OPHN1: variants seen among roughly 807,000 people sequenced by gnomAD.
The protein encoded by OPHN1 is oligophrenin 1.
A neutral mutation model predicts 60.7 loss-of-function variants in OPHN1; 11 were observed. The observed-to-expected ratio is 0.18, with a 90% CI of 0.11 to 0.30. The LOEUF is 0.30. Ranked by LOEUF, OPHN1 falls within the 10% of genes least tolerant of loss-of-function variation. The pLI, the probability that OPHN1 is intolerant of heterozygous loss-of-function variation, is 1.00. For synonymous variants in OPHN1, 226 were observed against 222.6 expected (o/e 1.02, Z -0.14); for missense variants, 449 against 611.0 (o/e 0.73, Z 2.80).
intron 2 of OPHN1, among the ~76,000 whole-genome samples, chrX:68,315,679 A>C (rs1420435667): frequency 2.7e-5 from 3 of 112,024 alleles, no homozygotes; most frequent in Non-Finnish European, 5.6e-5. Flanking sequence ...AAAATTCACA[A>C]AAAATATTAT....
intron 15 of OPHN1, among the ~76,000 whole-genome samples, chrX:68,132,709 A>G (rs1437765524): frequency 2.9e-5 from 3 of 103,016 alleles, no homozygotes; most frequent in African/African-American, 1.1e-4. Flanking sequence ...TTAAAAAAAA[A>G]TAATAATAAA....
At chrX:68,411,760 G>C (rs1316661251) in intron 2 of OPHN1, among the ~76,000 whole-genome samples, 1 of 111,941 alleles carries the variant, frequency 8.9e-6, no homozygotes, top group Non-Finnish European at 1.9e-5. Context: ...CTGCACAGAA[G>C]CTCTTTAGCC....
chrX:68,288,075 C>T (rs916867615), intron 3 of OPHN1, among the ~76,000 whole-genome samples: 3 of 111,714 alleles, frequency 2.7e-5, no homozygotes, highest in African/African-American at 9.8e-5. Context: ...ATTGCTTGAT[C>T]GGAAGACTGC....
Position 68,129,563 on chromosome X carries a change from C to A in OPHN1, c.1277-10231G>T, listed in dbSNP as rs191538061. ...TAATAAGATTGAAAGTAAAAATAAT[C>A]ATAGAAAATATATTGGTAAAGACCC... On this transcript the variant is annotated intron_variant, in intron 15 of 24. Coordinates refer to ENST00000355520, the MANE Select transcript of OPHN1 (RefSeq NM_002547.3). Among the ~76,000 whole-genome samples, 17 of 112,033 alleles carry A rather than the reference C, an allele frequency of 1.5e-4. No individual in the cohort carries two copies. The East Asian group carries it at 3.6e-3, about 24-fold the overall frequency.
chrX:68,217,037 G>C (rs765687689), intron 6 of OPHN1, among the ~76,000 whole-genome samples: 12 of 111,632 alleles, frequency 1.1e-4, no homozygotes, highest in Non-Finnish European at 1.9e-4. Context: ...TCACTAGGGA[G>C]TGCCAGACAT....
In OPHN1 at chrX:68,286,993, TGAGAGAGAGAGAAA is replaced by T. The variant is rs754395796; in HGVS notation, c.251-3890_251-3877del. Among the ~76,000 whole-genome samples the T allele has an allele frequency of 2.3e-3, 225 of 97,530 alleles. 2 individuals are homozygous for T. The highest frequency in any genetic ancestry group is 0.011 in the South Asian group (23 of 2,122). The allele number at this position is 97,530 out of a possible 115,157, so 84.7% of individuals were successfully genotyped here. ...TGCCACTACTGCACTACAGCCTGGA[TGAGAGAGAGAGAAA>T]GAGAGAGAGAGAAAGAAGGAAGGAA... On this transcript the variant is annotated intron_variant, in intron 3 of 24. Coordinates refer to ENST00000355520, the MANE Select transcript of OPHN1 (RefSeq NM_002547.3).
chrX:68,390,631 C>A (rs2078649018), intron 2 of OPHN1, among the ~76,000 whole-genome samples: 1 of 111,428 alleles, frequency 9.0e-6, no homozygotes. Flanking sequence ...GGTGTATTCA[C>A]TGATTTACTA....
chrX:68,211,368 C>T (rs1378422611), intron 8 of OPHN1, among the ~76,000 whole-genome samples: 2 of 112,190 alleles, frequency 1.8e-5, no homozygotes, highest in Non-Finnish European at 3.8e-5. Context: ...AAACCTTTGG[C>T]CTTGATTCTA....
intron 2 of OPHN1, among the ~76,000 whole-genome samples, chrX:68,323,534 T>C (rs2078245506): frequency 8.9e-6 from 1 of 112,157 alleles, no homozygotes; most frequent in Admixed American, 9.6e-5. Context: ...GTCTTGTTTA[T>C]GGTCTGTCTT....
intron 2 of OPHN1, among the ~76,000 whole-genome samples, chrX:68,407,780 G>A (rs900083063): frequency 8.9e-6 from 1 of 111,946 alleles, no homozygotes; most frequent in East Asian, 2.8e-4. Context: ...AAATACCTTT[G>A]TAATATAATG....
At chrX:68,315,570 A>T (rs973972527) in intron 2 of OPHN1, among the ~76,000 whole-genome samples, 6 of 111,952 alleles carry the variant, frequency 5.4e-5, no homozygotes, top group Admixed American at 1.9e-4. Context: ...ACAGCAATTT[A>T]ACAAGTAAAG....
intron 15 of OPHN1, among the ~76,000 whole-genome samples, chrX:68,160,377 G>C (rs2077329153): frequency 9.0e-6 from 1 of 110,873 alleles, no homozygotes; most frequent in Admixed American, 9.6e-5. Context: ...AGAACAACTA[G>C]GCAGAAGATG....
chrX:68,080,115 A>G (rs1427567482), intron 19 of OPHN1, among the ~76,000 whole-genome samples: 1 of 111,837 alleles, frequency 8.9e-6, no homozygotes, highest in African/African-American at 3.3e-5. Context: ...AAATGTTTCA[A>G]TGACTCTTCA....
intron 16 of OPHN1, among the ~76,000 whole-genome samples, chrX:68,116,037 GTTGAGT>G (rs1321784848): frequency 1.8e-5 from 2 of 112,257 alleles, no homozygotes; most frequent in Non-Finnish European, 3.8e-5. Flanking sequence ...TTGACAATTG[GTTGAGT>G]TTATCTGACG....
intron 2 of OPHN1, among the ~76,000 whole-genome samples, chrX:68,416,773 AGG>A (rs922628327): frequency 9.8e-5 from 11 of 112,180 alleles, no homozygotes; most frequent in Non-Finnish European, 1.9e-4. Context: ...GGAACACTTA[AGG>A]AACTCAATGC....
intron 2 of OPHN1, among the ~76,000 whole-genome samples, chrX:68,329,080 G>A (rs986274735): frequency 1.8e-5 from 2 of 111,289 alleles, no homozygotes; most frequent in Non-Finnish European, 3.8e-5. Flanking sequence ...ACCACGCCCC[G>A]CTAATTTTTG....
At chrX:68,230,400 C>T (rs1439335749) in intron 6 of OPHN1, among the ~76,000 whole-genome samples, 1 of 111,247 alleles carries the variant, frequency 9.0e-6, no homozygotes. Flanking sequence ...TTGACCCAGC[C>T]ATCCCATTAC....
At chrX:68,193,098 C>T in intron 14 of OPHN1, 105 bp from the exon 15 acceptor site, 1 of 577,815 alleles carries the variant, frequency 1.7e-6, no homozygotes, top group Non-Finnish European at 3.0e-6. Flanking sequence ...ACACTACATA[C>T]TCCAAGTTCT....
At chrX:68,298,900 G>T in intron 3 of OPHN1, 101 bp downstream of exon 3, 1 of 506,798 alleles carries the variant, frequency 2.0e-6, no homozygotes, top group East Asian at 4.6e-5. Context: ...GGACCACAGT[G>T]GATGAAGATG....
Sources: allele counts gnomAD v4.1 joint callset (sites outside exome capture counted in the v4.1 genomes callset), GRCh38; gene constraint gnomAD v4.1.1; transcripts MANE v1.5; gene names NCBI Gene and HGNC (gene_info 2026-07-23, HGNC 2026-07-21).